Variants in TMEM74 observed in about 807,000 individuals in gnomAD.
The protein encoded by TMEM74 is transmembrane protein 74.
In TMEM74, 13 loss-of-function variants were observed where a neutral mutation model predicts 18.1. The ratio of observed to expected loss-of-function variants is 0.72; its 90% CI spans 0.47 to 1.14. The LOEUF is 1.14. TMEM74 is among the 50% of genes most tolerant of loss of function. TMEM74 has a pLI of 0.00. For missense variants in TMEM74, 372 were observed against 375.9 expected, an observed-to-expected ratio of 0.99 and a Z score of 0.09; for synonymous variants, 159 against 146.6, an observed-to-expected ratio of 1.08 and a Z score of -0.61.
intron 1 of TMEM74, among the ~76,000 whole-genome samples, chr8:108,711,897 A>C (rs567436829): frequency 2.0e-5 from 3 of 152,234 alleles, no homozygotes; most frequent in African/African-American, 7.2e-5. Context: ...GGTATGGGTG[A>C]GACTATGTTG....
chr8:108,686,098 C>T (rs942486497), intron 1 of TMEM74, among the ~76,000 whole-genome samples: 9 of 152,036 alleles, frequency 5.9e-5, no homozygotes. Flanking sequence ...TTATGAGTTT[C>T]TTTTAAAATT....
intron 1 of TMEM74, among the ~76,000 whole-genome samples, chr8:108,673,255 C>A (rs1813021123): frequency 6.6e-6 from 1 of 152,156 alleles, no homozygotes. Flanking sequence ...TTGATCTTAC[C>A]AGGGTAAGAT....
intron 1 of TMEM74, among the ~76,000 whole-genome samples, chr8:108,731,129 G>A (rs1410084303): frequency 1.3e-5 from 2 of 151,506 alleles, no homozygotes; most frequent in African/African-American, 4.9e-5. Flanking sequence ...TTTTTTGTGT[G>A]TCTTAGAATT....
At chr8:108,652,483 G>T (rs1042053803) in intron 2 of TMEM74, 3 of 406,790 alleles carry the variant, frequency 7.4e-6, no homozygotes, top group African/African-American at 6.3e-5. Flanking sequence ...GATTGATGCA[G>T]AATGCAAATG....
intron 2 of TMEM74, among the ~76,000 whole-genome samples, chr8:108,642,342 T>A (rs1812673687): frequency 7.0e-6 from 1 of 143,324 alleles, no homozygotes; most frequent in Admixed American, 7.4e-5. Flanking sequence ...GAGGTTGCAG[T>A]CAGCCGAGAC....
At chr8:108,636,346 G>A (rs1196264850) in intron 2 of TMEM74, among the ~76,000 whole-genome samples, 2 of 152,060 alleles carry the variant, frequency 1.3e-5, no homozygotes, top group African/African-American at 2.4e-5. Context: ...CAACTGGGGA[G>A]CTCTGTTAGT....
intron 1 of TMEM74, among the ~76,000 whole-genome samples, chr8:108,753,716 C>T (rs1046429480): frequency 6.6e-6 from 1 of 152,026 alleles, no homozygotes; most frequent in African/African-American, 2.4e-5. Flanking sequence ...TTTATCAGCA[C>T]TTCCATATTC....
rs537431580 is a variant in TMEM74, at chr8:108,732,364, A to C, written n.119+55112T>G. Among the ~76,000 whole-genome samples, 53 of 152,298 alleles carry C rather than the reference A, an allele frequency of 3.5e-4. No individual in the cohort carries two copies. The Middle Eastern group carries it at 0.014, about 39-fold the overall frequency. On this transcript the variant is annotated intron_variant and non_coding_transcript_variant, in intron 1 of 3. Coordinates refer to the TMEM74 transcript ENST00000518838. ...GTGTGTACACATGTTCAATATAATC[A>C]AATTCTCTTCATCCCATGTGAGCTT...
intron 1 of TMEM74, among the ~76,000 whole-genome samples, chr8:108,674,737 C>T (rs1360677877): frequency 6.6e-6 from 1 of 152,196 alleles, no homozygotes; most frequent in African/African-American, 2.4e-5. Context: ...TGGGCAAGGT[C>T]AAGCTGTACA....
At chr8:108,708,585 C>T (rs1813441488) in intron 1 of TMEM74, among the ~76,000 whole-genome samples, 1 of 151,938 alleles carries the variant, frequency 6.6e-6, no homozygotes, top group Non-Finnish European at 1.5e-5. Context: ...TGGTATCTCA[C>T]TGTGGTATTG....
At chr8:108,610,419 C>T (rs1348283300) in intron 2 of TMEM74, among the ~76,000 whole-genome samples, 1 of 152,022 alleles carries the variant, frequency 6.6e-6, no homozygotes, top group Non-Finnish European at 1.5e-5. Context: ...GAATCTATGC[C>T]CTCATGAATC....
chr8:108,611,232 T>C (rs181734760), intron 2 of TMEM74, among the ~76,000 whole-genome samples: 23 of 152,310 alleles, frequency 1.5e-4, no homozygotes, highest in Admixed American at 2.6e-4. Context: ...GTATAGGGTG[T>C]ATATCTGCAG....
chr8:108,730,858 C>T (rs1001148740), intron 1 of TMEM74, among the ~76,000 whole-genome samples: 1 of 152,080 alleles, frequency 6.6e-6, no homozygotes, highest in South Asian at 2.1e-4. Context: ...GTCTCGATCT[C>T]TTGACCTTGT....
rs1814300371 is a variant in TMEM74 at position 108,781,017 on chromosome 8, T to C, written c.*3164A>G. Among the ~76,000 whole-genome samples, 1 of 152,074 alleles carries C rather than the reference T, an allele frequency of 6.6e-6. No homozygotes were observed. Among genetic ancestry groups the C allele is most frequent in the Admixed American group, 6.5e-5 (1 of 15,276 alleles). ...CCTTAAATCATCCACCAGCAGCGTG[T>C]AGATCCCAGTAATAAAGGAGAAAGA... On this transcript the variant is annotated 3_prime_UTR_variant, in exon 2 of 2. Transcript: ENST00000297459.
At position 108,750,327 on chromosome 8, in the gene TMEM74, A is replaced by G. The variant is rs118064501; in HGVS notation, n.119+37149T>C. On this transcript the variant is annotated intron_variant and non_coding_transcript_variant, in intron 1 of 3. Transcript: ENST00000518838. Reference sequence around the variant, plus strand: ...AACATCTTATGGATTAGTTTTCTCCATATTCTAACTCACTTCAATTGAGCA... The same window carrying G: ...AACATCTTATGGATTAGTTTTCTCCGTATTCTAACTCACTTCAATTGAGCA... Among the ~76,000 whole-genome samples the G allele has an allele frequency of 1.7e-3, 254 of 152,274 alleles. 7 individuals carry two copies. Among genetic ancestry groups the G allele is most frequent in the Admixed American group, 0.013 (200 of 15,284 alleles).
intron 2 of TMEM74, among the ~76,000 whole-genome samples, chr8:108,611,083 C>T (rs376040829): frequency 6.6e-6 from 1 of 152,114 alleles, no homozygotes; most frequent in Non-Finnish European, 1.5e-5. Flanking sequence ...AGTCTCTGAA[C>T]AACTATTATC....
intron 2 of TMEM74, among the ~76,000 whole-genome samples, chr8:108,622,198 T>C (rs1586236949): frequency 6.6e-6 from 1 of 152,084 alleles, no homozygotes; most frequent in East Asian, 1.9e-4. Flanking sequence ...CCCTCAGAAC[T>C]TCACATAACA....
At chr8:108,641,082 C>T (rs1222704466) in intron 2 of TMEM74, among the ~76,000 whole-genome samples, 1 of 152,070 alleles carries the variant, frequency 6.6e-6, no homozygotes, top group African/African-American at 2.4e-5. Context: ...GATCATGATG[C>T]TATAGTTTGG....
intron 1 of TMEM74, among the ~76,000 whole-genome samples, chr8:108,749,167 T>C (rs1030445857): frequency 8.5e-4 from 129 of 152,080 alleles, no homozygotes; most frequent in Middle Eastern, 3.4e-3. Flanking sequence ...TAGTTGTTGT[T>C]TTTTTTTCTA....
Sources: allele counts gnomAD v4.1 joint callset (sites outside exome capture counted in the v4.1 genomes callset), GRCh38; gene constraint gnomAD v4.1.1; transcripts MANE v1.5; gene names NCBI Gene and HGNC (gene_info 2026-07-23, HGNC 2026-07-21).